Variants in LGALS1 observed in about 807,000 individuals in gnomAD.
LGALS1 encodes the protein galectin 1, also known as galectin-1.
Under a neutral mutation model 14.4 loss-of-function variants are expected in LGALS1, and 14 were observed. The ratio of observed to expected loss-of-function variants is 0.97; its 90% CI spans 0.64 to 1.52. LGALS1 has a LOEUF of 1.52. LGALS1 is among the 40% of genes most tolerant of loss of function. The pLI, the probability that LGALS1 is intolerant of heterozygous loss-of-function variation, is 0.00. For synonymous variants in LGALS1, 71 were observed against 73.4 expected (o/e 0.97, Z 0.17); for missense variants, 170 against 181.4 (o/e 0.94, Z 0.36).
Position 37,677,076 on chromosome 22 carries a change from A to T in LGALS1, c.89+11A>T, listed in dbSNP as rs376028708. ...TCCTGACGCTAAGAGGTGAGAAGTG[A>T]AGTCGGGGTGGTGGGCGGCAGGGAC... On this transcript the variant is annotated intron_variant, in intron 2 of 3. Transcript: ENST00000215909. 1.5e-5 allele frequency: 24 copies of T among 1,613,454 alleles called. No homozygotes were observed. The highest frequency in any genetic ancestry group is 1.7e-4 in the Middle Eastern group (1 of 6,056).
intron 2 of LGALS1, 139 bp from the exon 3 acceptor site, chr22:37,678,344 G>T: frequency 1.1e-6 from 1 of 928,334 alleles, no homozygotes; most frequent in Non-Finnish European, 1.7e-6. Context: ...GGCATGGCCA[G>T]AGCTAGAATC....
Position 37,676,104 on chromosome 22 carries a change from G to C in LGALS1, c.9+393G>C, listed in dbSNP as rs73424835. ...CCCCTGCAGCTGTCCCGGTCACCAG[G>C]CCAGGGCAGAGTTACCCTCTGCTCC... On this transcript the variant is annotated intron_variant, in intron 1 of 3. Coordinates refer to ENST00000215909, the MANE Select transcript of LGALS1 (RefSeq NM_002305.4). 789 of 172,284 alleles carry C rather than the reference G, an allele frequency of 4.6e-3. 4 individuals are homozygous for C. Among genetic ancestry groups the C allele is most frequent in the African/African-American group, 0.017 (727 of 42,212 alleles). 10.7% of individuals were successfully genotyped at this position (172,284 alleles called of 1,614,324 possible). A position where few individuals can be genotyped will look rare whatever the true frequency, so the allele number is the denominator to read the frequency against.
At chr22:37,678,109 A>C (rs1485305696) in intron 2 of LGALS1, among the ~76,000 whole-genome samples, 1 of 152,058 alleles carries the variant, frequency 6.6e-6, no homozygotes, top group Non-Finnish European at 1.5e-5. Flanking sequence ...TTATTTGTTA[A>C]TTCGCCCCAT....
In LGALS1 at chr22:37,679,733, G is replaced by A. The variant is rs754050383; in HGVS notation, c.392G>A (p.Cys131Tyr). 44 of 1,600,080 alleles carry A rather than the reference G, an allele frequency of 2.7e-5. No individual in the cohort carries two copies. The highest frequency in any genetic ancestry group is 3.7e-5 in the Non-Finnish European group (43 of 1,172,994). ...GCTGACGGTGACTTCAAGATCAAAT[G>A]TGTGGCCTTTGACTGAAATCAGCCA... The part of the protein sequence containing the change: ...MAADGDFKIK[C>Y]VAFD The change falls in exon 4 of 4, where the codon TGT (cysteine) becomes TAT (tyrosine). Residue 131 changes from cysteine to tyrosine, a missense_variant. Coordinates refer to ENST00000215909, the MANE Select transcript of LGALS1 (RefSeq NM_002305.4).
chr22:37,675,970 TCTG>T (rs1921410543), intron 1 of LGALS1, among the ~76,000 whole-genome samples: 1 of 152,200 alleles, frequency 6.6e-6, no homozygotes, highest in Non-Finnish European at 1.5e-5. Flanking sequence ...GGGTTGACAT[TCTG>T]CAGCTCTCTG....
In LGALS1 at chr22:37,679,779, G is replaced by A; in HGVS notation, c.*30G>A. 6.4e-7 allele frequency: 1 copy of A among 1,560,924 alleles called. No homozygotes were observed. Among genetic ancestry groups the A allele is most frequent in the Admixed American group, 1.8e-5 (1 of 54,282 alleles). On this transcript the variant is annotated 3_prime_UTR_variant, in exon 4 of 4. Coordinates refer to ENST00000215909, the MANE Select transcript of LGALS1 (RefSeq NM_002305.4). The stretch of plus-strand genomic sequence containing the variant: ...AGCCAGCCCATGGCCCCCAATAAAG[G>A]CAGCTGCCTCTGCTCCCTCTGAACC...
chr22:37,678,696 G>C, intron 3 of LGALS1, 42 bp downstream of exon 3: 1 of 1,475,202 alleles, frequency 6.8e-7, no homozygotes, highest in Non-Finnish European at 9.1e-7. Flanking sequence ...ACAGGGGCTG[G>C]GTGGGCTGGG....
intron 1 of LGALS1, among the ~76,000 whole-genome samples, 171 bp downstream of exon 1, chr22:37,675,882 A>G (rs1921407006): frequency 6.6e-6 from 1 of 152,142 alleles, no homozygotes; most frequent in African/African-American, 2.4e-5. Flanking sequence ...GGTGGGCGCC[A>G]TGGTCCCTCA....
At chr22:37,675,756 A>G (rs200510997) in intron 1 of LGALS1, 45 bp downstream of exon 1, 72 of 1,487,918 alleles carry the variant, frequency 4.8e-5, no homozygotes, top group South Asian at 1.7e-4. Context: ...ATAGGGCAGG[A>G]ACTGATGGCC....
At chr22:37,677,216 G>T (rs773255202) in intron 2 of LGALS1, 151 bp downstream of exon 2, 104 of 747,386 alleles carry the variant, frequency 1.4e-4, no homozygotes, top group Admixed American at 2.2e-4. Context: ...CACTTCCCCC[G>T]CAGGGTCTGG....
chr22:37,678,884 C>A (rs1277738123), intron 3 of LGALS1, among the ~76,000 whole-genome samples: 1 of 152,130 alleles, frequency 6.6e-6, no homozygotes, highest in African/African-American at 2.4e-5. Context: ...AATCCCAGCA[C>A]TTTGGGAGGC....
At chr22:37,678,831 C>T (rs1048669978) in intron 3 of LGALS1, among the ~76,000 whole-genome samples, 177 bp downstream of exon 3, 1 of 151,734 alleles carries the variant, frequency 6.6e-6, no homozygotes, top group Non-Finnish European at 1.5e-5. Flanking sequence ...TACAATAAAA[C>T]GAAGGGGAAA....
chr22:37,678,671 A>T lies in LGALS1; in HGVS notation c.261+17A>T. The T allele has an allele frequency of 1.2e-5, 12 of 1,019,498 alleles. No individual in the cohort carries two copies. The highest frequency in any genetic ancestry group is 1.7e-5 in the Non-Finnish European group (12 of 725,986). 63.2% of individuals were successfully genotyped at this position (1,019,498 alleles called of 1,614,324 possible). A position where few individuals can be genotyped will look rare whatever the true frequency, so the allele number is the denominator to read the frequency against. On this transcript the variant is annotated intron_variant, in intron 3 of 3. Coordinates refer to ENST00000215909, the MANE Select transcript of LGALS1 (RefSeq NM_002305.4). ...GTTGCAGAGGTGGGCTGCAGACCGGAACCGGGGACCAGGGACAGGGGCTGG... is the reference window on the plus strand; with the variant it reads ...GTTGCAGAGGTGGGCTGCAGACCGGTACCGGGGACCAGGGACAGGGGCTGG...
Position 37,677,072 on chromosome 22 carries a change from A to C in LGALS1, c.89+7A>C, listed in dbSNP as rs757274800. 16 of 1,613,660 alleles carry C rather than the reference A, an allele frequency of 9.9e-6. No individual in the cohort carries two copies. In the South Asian group the frequency reaches 1.6e-4, roughly 17 times the overall value. ...TGGCTCCTGACGCTAAGAGGTGAGA[A>C]GTGAAGTCGGGGTGGTGGGCGGCAG... On this transcript the variant is annotated splice_region_variant and intron_variant, in intron 2 of 3. Transcript: ENST00000215909.
At chr22:37,678,277 C>G (rs1921507071) in intron 2 of LGALS1, 1 of 704,626 alleles carries the variant, frequency 1.4e-6, no homozygotes, top group African/African-American at 1.8e-5. Context: ...AGCGAGCCCT[C>G]CTGTGCAGCC....
chr22:37,676,885 G>A (rs372544708), intron 1 of LGALS1, 101 bp from the exon 2 acceptor site: 1 of 1,158,762 alleles, frequency 8.6e-7, no homozygotes, highest in Non-Finnish European at 1.3e-6. Flanking sequence ...AGAGGATGCC[G>A]GGCGGGAACA....
At position 37,675,715 on chromosome 22, in the gene LGALS1, A is replaced by G. The variant is rs1601601092; in HGVS notation, c.9+4A>G. 1 of 1,538,888 alleles carries G rather than the reference A, an allele frequency of 6.5e-7. No homozygotes were observed. The highest frequency in any genetic ancestry group is 8.8e-7 in the Non-Finnish European group (1 of 1,141,576). Reference sequence around the variant, plus strand: ...CCTGGACTCAATCATGGCTTGTGTGAGTGTGGGGACCCCCCCCCAAGGTCC... The same window carrying G: ...CCTGGACTCAATCATGGCTTGTGTGGGTGTGGGGACCCCCCCCCAAGGTCC... On this transcript the variant is annotated splice_donor_region_variant and intron_variant, in intron 1 of 3. Coordinates refer to ENST00000215909, the MANE Select transcript of LGALS1 (RefSeq NM_002305.4).
chr22:37,678,909 C>A (rs918841619), intron 3 of LGALS1, among the ~76,000 whole-genome samples: 1 of 152,118 alleles, frequency 6.6e-6, no homozygotes, highest in East Asian at 1.9e-4. Flanking sequence ...GCGGGCGGAT[C>A]ACCTGAGGTC....
intron 1 of LGALS1, chr22:37,675,976 GCTCT>G: frequency 1.0e-5 from 4 of 381,188 alleles, no homozygotes; most frequent in Non-Finnish European, 1.9e-5. Context: ...ACATTCTGCA[GCTCT>G]CTGAGAAGTG....
Sources: gnomAD v4.1 joint callset for allele counts (sites outside exome capture counted in the v4.1 genomes callset) on GRCh38, gnomAD v4.1.1 for gene constraint, MANE v1.5 for transcripts, NCBI Gene and HGNC (gene_info 2026-07-23, HGNC 2026-07-21) for gene names.